TMPRSS15: variants seen among roughly 807,000 people sequenced by gnomAD.
TMPRSS15 encodes enteropeptidase.
TMPRSS15 carries 128 observed loss-of-function variants against 125.3 expected under a neutral mutation model. That is an observed-to-expected ratio of 1.02 (90% CI 0.89 to 1.18). The LOEUF (loss-of-function observed/expected upper bound fraction) is 1.18, where lower values mean the gene tolerates loss of function less well. Ranked by LOEUF, TMPRSS15 falls within the 50% of genes most tolerant of loss-of-function variation. The pLI is 0.00. For synonymous variants in TMPRSS15, 446 were observed against 423.2 expected (o/e 1.05, Z -0.66); for missense variants, 1,283 against 1,212.7 (o/e 1.06, Z -0.86).
At position 18,473,823 on chromosome 21, in the gene TMPRSS15, A is replaced by C. The variant is rs535813904; in HGVS notation, c.10+11976T>G. Among the ~76,000 whole-genome samples the C allele has an allele frequency of 1.1e-3, 174 of 152,252 alleles. 5 individuals carry two copies. The South Asian group carries it at 0.034, about 30-fold the overall frequency. ...AAGTAAGGAGATTTTTTAAAAATAC[A>C]TTCTTATAATCTCCTTGTTAATGCA... On this transcript the variant is annotated intron_variant, in intron 1 of 7. Transcript: ENST00000422787.
chr21:18,443,653 T>C (rs1169454051), intron 1 of TMPRSS15, among the ~76,000 whole-genome samples: 2 of 152,196 alleles, frequency 1.3e-5, no homozygotes, highest in Non-Finnish European at 2.9e-5. Context: ...ACAATAAGAT[T>C]GCTCCACCTC....
At position 18,462,775 on chromosome 21, in the gene TMPRSS15, G is replaced by T. The variant is rs117852873; in HGVS notation, c.10+23024C>A. 3.8e-4 allele frequency among the ~76,000 whole-genome samples: 58 copies of T among 151,922 alleles called. No individual in the cohort carries two copies. The East Asian group carries it at 7.6e-3, about 20-fold the overall frequency. On this transcript the variant is annotated intron_variant, in intron 1 of 7. Transcript: ENST00000422787. ...ATTTAAGATTCACCAAGGTTGAAAT[G>T]AAGGAAAAAAAAATTTTAAGGGCAG...
chr21:18,470,732 A>G (rs891699098), intron 1 of TMPRSS15, among the ~76,000 whole-genome samples: 7 of 152,078 alleles, frequency 4.6e-5, no homozygotes, highest in African/African-American at 1.7e-4. Context: ...ACGAGAGGAA[A>G]GGAAATATGA....
intron 18 of TMPRSS15, among the ~76,000 whole-genome samples, chr21:18,307,439 A>G (rs2075049895): frequency 6.6e-6 from 1 of 152,178 alleles, no homozygotes; most frequent in Non-Finnish European, 1.5e-5. Flanking sequence ...AATGGAACAG[A>G]GCTGTGTGTC....
At chr21:18,387,796 A>G (rs529954937) in intron 3 of TMPRSS15, among the ~76,000 whole-genome samples, 1 of 152,280 alleles carries the variant, frequency 6.6e-6, no homozygotes, top group South Asian at 2.1e-4. Context: ...TGTGAGTTTA[A>G]TTAAAATCTA....
chr21:18,424,904 T>C (rs1052110596), intron 1 of TMPRSS15, among the ~76,000 whole-genome samples: 1 of 148,854 alleles, frequency 6.7e-6, no homozygotes, highest in African/African-American at 2.4e-5. Context: ...ATATATTAAT[T>C]CATATATATT....
At chr21:18,293,013 G>T (rs1361639325) in intron 21 of TMPRSS15, among the ~76,000 whole-genome samples, 1 of 152,192 alleles carries the variant, frequency 6.6e-6, no homozygotes, top group Admixed American at 6.5e-5. Flanking sequence ...GGATGGTGCT[G>T]TCGGTAGCTC....
intron 10 of TMPRSS15, among the ~76,000 whole-genome samples, chr21:18,350,330 C>T (rs1455711942): frequency 6.6e-6 from 1 of 152,076 alleles, no homozygotes; most frequent in African/African-American, 2.4e-5. Flanking sequence ...ACATAAAGAA[C>T]ATTTTTTATG....
chr21:18,365,649 C>CCCT (rs1555904784), intron 6 of TMPRSS15, among the ~76,000 whole-genome samples: 1 of 65,812 alleles, frequency 1.5e-5, no homozygotes. Context: ...TCTTTTTCCT[C>CCCT]CCTTCCTTCC....
At chr21:18,294,801 A>G (rs904354730) in intron 19 of TMPRSS15, 149 bp from the exon 20 acceptor site, 2 of 714,676 alleles carry the variant, frequency 2.8e-6, no homozygotes, top group African/African-American at 3.6e-5. Context: ...TGTAAGCCGA[A>G]GAAGCCCCAG....
At chr21:18,435,209 A>G (rs947122877) in intron 1 of TMPRSS15, among the ~76,000 whole-genome samples, 1 of 152,156 alleles carries the variant, frequency 6.6e-6, no homozygotes, top group Non-Finnish European at 1.5e-5. Context: ...GTCTTGTGCC[A>G]GTTTTCAAAG....
At chr21:18,320,305 A>G (rs2075221003) in intron 16 of TMPRSS15, among the ~76,000 whole-genome samples, 1 of 152,128 alleles carries the variant, frequency 6.6e-6, no homozygotes, top group African/African-American at 2.4e-5. Context: ...GATCAATTAT[A>G]TTGATATACT....
chr21:18,385,161 A>T (rs2075931776), intron 3 of TMPRSS15, among the ~76,000 whole-genome samples: 1 of 152,218 alleles, frequency 6.6e-6, no homozygotes, highest in African/African-American at 2.4e-5. Flanking sequence ...TAACTTTCTA[A>T]TCATTTGCTT....
intron 1 of TMPRSS15, among the ~76,000 whole-genome samples, chr21:18,429,751 T>C (rs916799847): frequency 6.6e-6 from 1 of 152,304 alleles, no homozygotes. Flanking sequence ...CAAATTAACA[T>C]GCCTACGTAG....
chr21:18,368,959 T>C (rs1474670445), intron 6 of TMPRSS15, among the ~76,000 whole-genome samples: 1 of 152,106 alleles, frequency 6.6e-6, no homozygotes, highest in East Asian at 1.9e-4. Flanking sequence ...AACCTGATAG[T>C]GCAAATGACC....
intron 1 of TMPRSS15, among the ~76,000 whole-genome samples, chr21:18,422,537 T>C (rs904230515): frequency 6.6e-6 from 1 of 152,224 alleles, no homozygotes; most frequent in Admixed American, 6.5e-5. Flanking sequence ...ATGTACTATG[T>C]GTAATTCTAG....
At chr21:18,374,521 G>A (rs913303063) in intron 5 of TMPRSS15, among the ~76,000 whole-genome samples, 11 of 141,688 alleles carry the variant, frequency 7.8e-5, no homozygotes, top group African/African-American at 2.9e-4. Flanking sequence ...ATCAATATAT[G>A]AGAAACAGAT....
chr21:18,419,265 A>T (rs531680824), intron 1 of TMPRSS15, among the ~76,000 whole-genome samples: 9 of 115,720 alleles, frequency 7.8e-5, no homozygotes, highest in African/African-American at 1.7e-4. Context: ...TCGCTCTGTT[A>T]CCCAGGCTGG....
intron 18 of TMPRSS15, among the ~76,000 whole-genome samples, chr21:18,310,130 C>A (rs1320749131): frequency 6.6e-6 from 1 of 152,084 alleles, no homozygotes; most frequent in Admixed American, 6.6e-5. Context: ...AAGTTGAAAT[C>A]TTTTCTTCTA....
Sources: gnomAD v4.1 joint callset for allele counts (sites outside exome capture counted in the v4.1 genomes callset) on GRCh38, gnomAD v4.1.1 for gene constraint, MANE v1.5 for transcripts, NCBI Gene and HGNC (gene_info 2026-07-23, HGNC 2026-07-21) for gene names.